Variants in EIF4G2 observed in about 807,000 individuals in gnomAD.
The protein encoded by EIF4G2 is DAP-5.
Under a neutral mutation model 117.7 loss-of-function variants are expected in EIF4G2, and 8 were observed. The observed-to-expected ratio is 0.07, with a 90% confidence interval of 0.04 to 0.12. EIF4G2 has a LOEUF of 0.12. Ranked by LOEUF, EIF4G2 falls within the 10% of genes least tolerant of loss-of-function variation. The pLI, the probability that EIF4G2 is intolerant of heterozygous loss-of-function variation, is 1.00. For missense variants in EIF4G2, 812 were observed against 1,086.2 expected, an observed-to-expected ratio of 0.75 and a Z score of 3.55; for synonymous variants, 413 against 367.8, an observed-to-expected ratio of 1.12 and a Z score of -1.41.
chr11:10,804,189 G>C lies in EIF4G2; in HGVS notation c.498C>G (p.Leu166=). Reference sequence around the variant, plus strand: ...ATTCATCTTGTAATTTGGAAATTAGGAGGCGTCTGAATGTCTGGAAAAGAA... The same window carrying C: ...ATTCATCTTGTAATTTGGAAATTAGCAGGCGTCTGAATGTCTGGAAAAGAA... Residue 166 remains leucine (L), a synonymous_variant, in exon 7 of 22, where the codon CTC becomes CTG. Transcript: ENST00000339995. 1 of 1,614,158 alleles carries C rather than the reference G, an allele frequency of 6.2e-7. No individual in the cohort carries two copies. The highest frequency in any genetic ancestry group is 8.5e-7 in the Non-Finnish European group (1 of 1,180,024).
chr11:10,799,784 C>G, intron 18 of EIF4G2, 28 bp from the exon 19 acceptor site: 1 of 1,600,012 alleles, frequency 6.2e-7, no homozygotes, highest in Non-Finnish European at 8.5e-7. Context: ...CCTGCATCAT[C>G]TAATAGTTCA....
rs1590041663 is a variant in EIF4G2 at position 10,802,219 on chromosome 11, C to T, written c.1139-10G>A. 6.2e-7 allele frequency: 1 copy of T among 1,612,776 alleles called. No individual in the cohort carries two copies. Among genetic ancestry groups the T allele is most frequent in the South Asian group, 1.1e-5 (1 of 90,900 alleles). ...GTACCAATTCCGCTACCTTAAAATA[C>T]ATATACGGACAACTCTCAAAACTAA... On this transcript the variant is annotated splice_polypyrimidine_tract_variant and intron_variant, in intron 12 of 21. Transcript: ENST00000339995.
At chr11:10,801,581 A>C in intron 14 of EIF4G2, 80 bp downstream of exon 14, 54 of 1,189,076 alleles carry the variant, frequency 4.5e-5, no homozygotes, top group Non-Finnish European at 6.4e-5. Flanking sequence ...TCCTCTTAAT[A>C]ACGCGTCTTT....
At chr11:10,804,695 T>C in intron 5 of EIF4G2, 1 of 598,192 alleles carries the variant, frequency 1.7e-6, no homozygotes. Flanking sequence ...CACTCCCATT[T>C]ACCTCTTCAA....
At position 10,800,960 on chromosome 11, in the gene EIF4G2, A is replaced by C. The variant is rs112725418; in HGVS notation, c.1539+2T>G. On this transcript the variant is annotated splice_donor_variant, in intron 15 of 21. Transcript: ENST00000339995. LOFTEE classifies it high-confidence loss of function. Reference sequence around the variant, plus strand: ...AAAATGCTGTCCTACTATGGTCTGTACCTGTCCCAGAGGTGGTGTTTGAGT... The same window carrying C: ...AAAATGCTGTCCTACTATGGTCTGTCCCTGTCCCAGAGGTGGTGTTTGAGT... The C allele has an allele frequency of 6.2e-7, 1 of 1,614,022 alleles. No homozygotes were observed. Among genetic ancestry groups the C allele is most frequent in the African/African-American group, 1.3e-5 (1 of 74,914 alleles).
chr11:10,802,883 A>G (rs938736559), intron 11 of EIF4G2, 147 bp downstream of exon 11: 10 of 680,088 alleles, frequency 1.5e-5, no homozygotes, highest in African/African-American at 1.5e-4. Context: ...TAAAAAAATA[A>G]AAGTGGAAGA....
At chr11:10,800,372 T>C (rs1358939614) in intron 17 of EIF4G2, 24 bp from the exon 18 acceptor site, 1 of 1,612,568 alleles carries the variant, frequency 6.2e-7, no homozygotes, top group African/African-American at 1.3e-5. Flanking sequence ...TACAACAGTT[T>C]ATCAGTTTTC....
chr11:10,801,585 C>T (rs1018751732), intron 14 of EIF4G2, 76 bp downstream of exon 14: 26 of 1,289,588 alleles, frequency 2.0e-5, no homozygotes, highest in Middle Eastern at 1.8e-4. Flanking sequence ...CTTAATAACG[C>T]GTCTTTTTAT....
chr11:10,804,063 C>T lies in EIF4G2; in HGVS notation c.551-13G>A. On this transcript the variant is annotated splice_polypyrimidine_tract_variant and intron_variant, in intron 7 of 21. Coordinates refer to ENST00000339995, the MANE Select transcript of EIF4G2 (RefSeq NM_001418.4). ...CGCTTATCATAGACTGAAAAAGATA[C>T]CAATGAAGTAAGCCAACATTCAGAA... 6.2e-7 allele frequency: 1 copy of T among 1,612,904 alleles called. No homozygotes were observed. Among genetic ancestry groups the T allele is most frequent in the South Asian group, 1.1e-5 (1 of 91,054 alleles).
At chr11:10,807,793 A>C in intron 1 of EIF4G2, 2 of 990,672 alleles carry the variant, frequency 2.0e-6, no homozygotes, top group Non-Finnish European at 2.4e-6. Context: ...GCTCTTCAGC[A>C]GTTTTCCCCT....
Position 10,799,033 on chromosome 11 carries a change from T to C in EIF4G2, c.2617A>G (p.Ile873Val). The C allele has an allele frequency of 1.2e-6, 2 of 1,611,828 alleles. No individual in the cohort carries two copies. Among genetic ancestry groups the C allele is most frequent in the Non-Finnish European group, 1.7e-6 (2 of 1,179,508 alleles). ...CCTTTTCCCGGAAACTCTTGGGTTA[T>C]ATCTTCTTTCCAAGCCAAGAAAGCT... The change falls in exon 21 of 22, where the codon ATA (isoleucine) becomes GTA (valine). Residue 873 changes from isoleucine to valine, a missense_variant. Ile to Val is a conservative substitution (Grantham distance 29). This residue lies in a region of EIF4G2 where 571 missense variants were observed against 642.3 expected (regional missense o/e 0.89). Coordinates refer to ENST00000339995, the MANE Select transcript of EIF4G2 (RefSeq NM_001418.4).
intron 4 of EIF4G2, 38 bp from the exon 5 acceptor site, chr11:10,805,053 T>A (rs776016606): frequency 1.3e-6 from 2 of 1,488,766 alleles, no homozygotes; most frequent in South Asian, 1.1e-5. Flanking sequence ...TGTTAGCTAA[T>A]ACACAGAATT....
In EIF4G2 at chr11:10,803,339, T is replaced by C. The variant is rs1207721478; in HGVS notation, c.814-45A>G. The stretch of plus-strand genomic sequence containing the variant: ...TTCATTGGAAGAGCTAAAGCAAATG[T>C]GTTCAATTTACAGCTTTAAGACTTC... On this transcript the variant is annotated intron_variant, in intron 9 of 21. Coordinates refer to ENST00000339995, the MANE Select transcript of EIF4G2 (RefSeq NM_001418.4). The surrounding 1 kb of genome is among the most constrained non-coding windows in gnomAD (Gnocchi z 4.0). The C allele has an allele frequency of 5.0e-6, 8 of 1,600,528 alleles. No homozygotes were observed. Among genetic ancestry groups the C allele is most frequent in the Non-Finnish European group, 6.0e-6 (7 of 1,170,688 alleles).
At position 10,803,953 on chromosome 11, in the gene EIF4G2, C is replaced by T. The variant is rs1847493163; in HGVS notation, c.648G>A (p.Glu216=). Residue 216 remains glutamate, a synonymous_variant, in exon 8 of 22, where the codon GAG becomes GAA. Coordinates refer to ENST00000339995, the MANE Select transcript of EIF4G2 (RefSeq NM_001418.4). This position sits in a 1 kb window ranked among gnomAD's most constrained non-coding sequence, Gnocchi z 4.0. Reference sequence around the variant, plus strand: ...CGTGAATAAGATCAAGCTTGCCAAGCTCTCCAATGAATTTGATGTTTCCCA... The same window carrying T: ...CGTGAATAAGATCAAGCTTGCCAAGTTCTCCAATGAATTTGATGTTTCCCA... The T allele has an allele frequency of 6.2e-7, 1 of 1,614,050 alleles. No individual in the cohort carries two copies. The highest frequency in any genetic ancestry group is 8.5e-7 in the Non-Finnish European group (1 of 1,180,036).
intron 3 of EIF4G2, 182 bp downstream of exon 3, chr11:10,806,638 C>G: frequency 1.2e-5 from 7 of 593,672 alleles, no homozygotes; most frequent in Non-Finnish European, 2.1e-5. Context: ...AGTCTCAACT[C>G]ACTTAGAAAA....
intron 5 of EIF4G2, 139 bp downstream of exon 5, chr11:10,804,774 C>T (rs1564984314): frequency 1.5e-6 from 1 of 681,230 alleles, no homozygotes. Flanking sequence ...TTTTTAATCA[C>T]CATCAGTATT....
In EIF4G2 at chr11:10,801,850, G is replaced by A. The variant is rs1847427382; in HGVS notation, c.1300-76C>T. The A allele has an allele frequency of 3.6e-6, 5 of 1,391,696 alleles. No individual in the cohort carries two copies. The South Asian group carries it at 3.7e-5, about 10-fold the overall frequency. 86.2% of individuals were successfully genotyped at this position (1,391,696 alleles called of 1,614,324 possible). On this transcript the variant is annotated intron_variant, in intron 13 of 21. Transcript: ENST00000339995. ...TATGGTAATCAAGTACCAAAGGGAT[G>A]AGCCAAGCCATAAAGTTAGTTTAAC... is the stretch of plus-strand genomic sequence containing the variant.
Position 10,800,592 on chromosome 11 carries a change from C to A in EIF4G2, c.1700G>T (p.Gly567Val). The stretch of plus-strand genomic sequence containing the variant: ...TTTAGGAGCCCTCATTTCTCTTACA[C>A]CATTGACAGCCTCATTTGCATTTCC... Residue 567 changes from glycine to valine, a missense_variant, in exon 17 of 22, where the codon GGT becomes GTT. This residue lies in a region of EIF4G2 where 571 missense variants were observed against 642.3 expected (regional missense o/e 0.89). Transcript: ENST00000339995. 1 of 1,614,162 alleles carries A rather than the reference C, an allele frequency of 6.2e-7. No individual in the cohort carries two copies. Among genetic ancestry groups the A allele is most frequent in the Non-Finnish European group, 8.5e-7 (1 of 1,180,032 alleles).
At chr11:10,807,179 G>A (rs1438275509) in intron 2 of EIF4G2, 76 bp downstream of exon 2, 45 of 1,531,042 alleles carry the variant, frequency 2.9e-5, no homozygotes, top group Non-Finnish European at 3.8e-5. Flanking sequence ...CCATTAAGTC[G>A]GACTTATTTG....
Sources: allele counts gnomAD v4.1 joint callset, GRCh38; gene constraint gnomAD v4.1.1; regional missense constraint gnomAD v4.1.1; non-coding constraint Gnocchi (gnomAD v3.1); transcripts MANE v1.5; gene names NCBI Gene and HGNC (gene_info 2026-07-23, HGNC 2026-07-21).